The following PCDHGA4 variants were observed in gnomAD, a reference collection of about 807,000 sequenced individuals.
The protein encoded by PCDHGA4 is protocadherin gamma subfamily A, 4.
Under a neutral mutation model 54.6 loss-of-function variants are expected in PCDHGA4, and 38 were observed. The ratio of observed to expected loss-of-function variants is 0.70; its 90% CI spans 0.54 to 0.91. The LOEUF (loss-of-function observed/expected upper bound fraction) is 0.91. PCDHGA4 is among the 40% of genes least tolerant of loss of function. The probability of loss-of-function intolerance (pLI) is 0.00; values close to 1 mark genes in which losing one functional copy is unlikely to be tolerated. For synonymous variants in PCDHGA4, 511 were observed against 512.9 expected (o/e 1.00, Z 0.05); for missense variants, 1,298 against 1,220.9 (o/e 1.06, Z -0.94).
rs1185020546 is a variant in PCDHGA4, at chr5:141,485,472, C to A, written c.2515-9335C>A. 3 of 1,614,138 alleles carry A rather than the reference C, an allele frequency of 1.9e-6. No homozygotes were observed. Among genetic ancestry groups the A allele is most frequent in the Non-Finnish European group, 2.5e-6 (3 of 1,180,022 alleles). On this transcript the variant is annotated intron_variant, in intron 1 of 3. Transcript: ENST00000571252. The surrounding 1 kb of genome is among the most constrained non-coding windows in gnomAD (Gnocchi z 5.7). The stretch of plus-strand genomic sequence containing the variant: ...CGAGAGGCACTGTGTGGGCTCAGTG[C>A]CAGCTGCATCGTGCCCCTGGAGTTT...
chr5:141,427,377 A>C, intron 1 of PCDHGA4: 1 of 458,500 alleles, frequency 2.2e-6, no homozygotes, highest in Non-Finnish European at 4.4e-6. Flanking sequence ...GACGGTGATC[A>C]CTCTGTTCAA....
At chr5:141,403,138 C>G in intron 1 of PCDHGA4, 1 of 1,614,036 alleles carries the variant, frequency 6.2e-7, no homozygotes, top group Non-Finnish European at 8.5e-7. Context: ...TGGCGGAGCG[C>G]CGAGTCCGCA....
At chr5:141,498,220 G>T (rs1562182972) in intron 2 of PCDHGA4, among the ~76,000 whole-genome samples, 1 of 152,222 alleles carries the variant, frequency 6.6e-6, no homozygotes, top group Non-Finnish European at 1.5e-5. Flanking sequence ...GAGCATTCCA[G>T]ATGGTCAGGC....
rs183831513 is a variant in PCDHGA4 at position 141,497,605 on chromosome 5, T to A, written c.2573+2740T>A. ...CCCAAGCTGGAGTGCAGTGGTGCGA[T>A]CTTGGCTCACTGCAACCTCTGCCTG... On this transcript the variant is annotated intron_variant, in intron 2 of 3. Coordinates refer to ENST00000571252, the MANE Select transcript of PCDHGA4 (RefSeq NM_018917.4). Among the ~76,000 whole-genome samples, 19 of 151,488 alleles carry A rather than the reference T, an allele frequency of 1.3e-4. No individual in the cohort carries two copies. In the East Asian group the frequency reaches 3.7e-3, roughly 29 times the overall value.
intron 1 of PCDHGA4, among the ~76,000 whole-genome samples, chr5:141,484,107 A>C (rs13361997): frequency 0.24 from 37,195 of 152,070 alleles, 6,332 homozygotes; most frequent in African/African-American, 0.48. Context: ...TAATTAACAA[A>C]AGATCAAGAA....
intron 1 of PCDHGA4, chr5:141,389,450 G>C: frequency 6.2e-7 from 1 of 1,610,530 alleles, no homozygotes; most frequent in Non-Finnish European, 8.5e-7. Context: ...ACCACGAGCA[G>C]CTGCGCGCCT....
chr5:141,361,675 G>T, intron 1 of PCDHGA4: 1 of 1,613,636 alleles, frequency 6.2e-7, no homozygotes, highest in Non-Finnish European at 8.5e-7. Context: ...GAGCGGGGTG[G>T]TGTTCGCGCA....
chr5:141,463,373 GTCTGAAAGTT>G (rs1463437299), intron 1 of PCDHGA4, among the ~76,000 whole-genome samples: 1 of 147,058 alleles, frequency 6.8e-6, no homozygotes, highest in Non-Finnish European at 1.5e-5. Context: ...CTGCCCCACA[GTCTGAAAGTT>G]GTCTCCAGGC....
intron 1 of PCDHGA4, chr5:141,415,715 T>A: frequency 7.0e-7 from 1 of 1,428,190 alleles, no homozygotes; most frequent in Non-Finnish European, 9.3e-7. Flanking sequence ...AAAACACTGA[T>A]GAGTAGAATT....
chr5:141,450,916 C>T (rs1168320527), intron 1 of PCDHGA4, among the ~76,000 whole-genome samples: 1 of 151,580 alleles, frequency 6.6e-6, no homozygotes, highest in Admixed American at 6.6e-5. Flanking sequence ...CCGCTGCCTC[C>T]CAGATTCAAG....
intron 1 of PCDHGA4, chr5:141,389,559 C>T (rs1388057704): frequency 1.2e-6 from 2 of 1,613,274 alleles, no homozygotes; most frequent in East Asian, 2.2e-5. Flanking sequence ...CAATGCGCCA[C>T]GGGTGCTGTA....
At chr5:141,437,741 CTT>C (rs35124340) in intron 1 of PCDHGA4, among the ~76,000 whole-genome samples, 17 of 141,612 alleles carry the variant, frequency 1.2e-4, no homozygotes, top group Admixed American at 2.1e-4. Flanking sequence ...TTGAGTTCAC[CTT>C]TTTTTTTTTT....
At chr5:141,360,109 G>A (rs1218338018) in intron 1 of PCDHGA4, 1 of 1,561,628 alleles carries the variant, frequency 6.4e-7, no homozygotes, top group African/African-American at 1.4e-5. Flanking sequence ...TTCCTCCTAT[G>A]GGCAAAGGAG....
intron 1 of PCDHGA4, among the ~76,000 whole-genome samples, chr5:141,444,482 T>G (rs1346576719): frequency 6.6e-6 from 1 of 152,000 alleles, no homozygotes; most frequent in Non-Finnish European, 1.5e-5. Context: ...CGTACTGGAT[T>G]TATATTGTGT....
chr5:141,481,622 G>A (rs957374253), intron 1 of PCDHGA4, among the ~76,000 whole-genome samples: 6 of 151,854 alleles, frequency 4.0e-5, no homozygotes, highest in African/African-American at 1.2e-4. Flanking sequence ...GTTCAAGACC[G>A]GCCTGGCCAA....
At chr5:141,415,293 C>T in intron 1 of PCDHGA4, 1 of 1,614,192 alleles carries the variant, frequency 6.2e-7, no homozygotes, top group Non-Finnish European at 8.5e-7. Flanking sequence ...CGGTCTCCTG[C>T]GTCTTCCTGG....
chr5:141,478,381 C>T (rs931860600), intron 1 of PCDHGA4: 22 of 1,613,664 alleles, frequency 1.4e-5, no homozygotes, highest in Non-Finnish European at 1.8e-5. Flanking sequence ...TGTCGCCGCA[C>T]CTTTACCATC....
At chr5:141,400,007 C>T (rs907315450) in intron 1 of PCDHGA4, 30 of 1,612,624 alleles carry the variant, frequency 1.9e-5, no homozygotes, top group Non-Finnish European at 2.5e-5. Flanking sequence ...ACAGCGCGTG[C>T]CTTGGGCGAC....
rs1317308437 is a variant in PCDHGA4, at chr5:141,418,492, A to G, written c.2514+60871A>G. The G allele has an allele frequency of 1.9e-6, 3 of 1,613,886 alleles. No homozygotes were observed. The African/African-American group carries it at 4.0e-5, about 22-fold the overall frequency. On this transcript the variant is annotated intron_variant, in intron 1 of 3. Coordinates refer to ENST00000571252, the MANE Select transcript of PCDHGA4 (RefSeq NM_018917.4). ...AAACGCAGAGCGCTCACCACTTGGT[A>G]CTGACCGCCTTAGATGGTGGGGACC... is the stretch of plus-strand genomic sequence containing the variant.
Sources: gnomAD v4.1 joint callset for allele counts (sites outside exome capture counted in the v4.1 genomes callset) on GRCh38, gnomAD v4.1.1 for gene constraint, Gnocchi (gnomAD v3.1) non-coding constraint, MANE v1.5 for transcripts, NCBI Gene and HGNC (gene_info 2026-07-23, HGNC 2026-07-21) for gene names.